The following WASL variants were observed in gnomAD, a reference collection of about 807,000 sequenced individuals.
WASL encodes WASP like actin nucleation promoting factor, also known as actin nucleation-promoting factor WASL.
Under a neutral mutation model 55.5 loss-of-function variants are expected in WASL, and 20 were observed. The observed-to-expected ratio is 0.36, with a 90% confidence interval of 0.25 to 0.52. The LOEUF (loss-of-function observed/expected upper bound fraction) is 0.52. WASL is among the 20% of genes least tolerant of loss of function. WASL has a pLI of 0.92. For synonymous variants in WASL, 249 were observed against 217.6 expected, an observed-to-expected ratio of 1.14 and a Z score of -1.27; for missense variants, 504 against 622.5, an observed-to-expected ratio of 0.81 and a Z score of 2.03.
chr7:123,742,991 T>G (rs964088663), intron 1 of WASL, among the ~76,000 whole-genome samples: 4 of 152,144 alleles, frequency 2.6e-5, no homozygotes. Context: ...GGAAAGACTG[T>G]GGAGTTATCT....
chr7:123,725,405 G>A (rs951722921), intron 1 of WASL, among the ~76,000 whole-genome samples: 1 of 151,864 alleles, frequency 6.6e-6, no homozygotes, highest in East Asian at 1.9e-4. Flanking sequence ...TTTGAAAACT[G>A]TAAAGCTATG....
intron 6 of WASL, 87 bp downstream of exon 6, chr7:123,696,487 AAAGAG>A (rs781469564): frequency 3.5e-4 from 466 of 1,325,974 alleles, no homozygotes; most frequent in Non-Finnish European, 4.3e-4. Flanking sequence ...ACCCTCCCGA[AAAGAG>A]AAGAAAATTT....
At chr7:123,708,400 C>G (rs1051887313) in intron 2 of WASL, among the ~76,000 whole-genome samples, 1 of 152,132 alleles carries the variant, frequency 6.6e-6, no homozygotes, top group South Asian at 2.1e-4. Context: ...TAATTAAAAT[C>G]TCATTGCACT....
intron 1 of WASL, among the ~76,000 whole-genome samples, chr7:123,724,015 T>C (rs1584868998): frequency 1.3e-5 from 2 of 152,348 alleles, no homozygotes; most frequent in Middle Eastern, 3.4e-3. Flanking sequence ...TACAAGTATA[T>C]AAGCGAGATC....
intron 1 of WASL, among the ~76,000 whole-genome samples, chr7:123,712,335 T>C (rs755533278): frequency 3.2e-4 from 49 of 152,192 alleles, no homozygotes; most frequent in African/African-American, 9.9e-4. Context: ...ACTCCACCTA[T>C]ACTTTGTCCC....
At chr7:123,744,740 C>T (rs368718201) in intron 1 of WASL, among the ~76,000 whole-genome samples, 60 of 152,216 alleles carry the variant, frequency 3.9e-4, no homozygotes, top group African/African-American at 1.3e-3. Flanking sequence ...ATATGTTGAA[C>T]TTCACTTAGC....
intron 1 of WASL, among the ~76,000 whole-genome samples, chr7:123,732,330 G>GAAAAATA (rs960813210): frequency 6.6e-6 from 1 of 151,320 alleles, no homozygotes; most frequent in African/African-American, 2.4e-5. Context: ...ACTCTGTCTC[G>GAAAAATA]AAAAATAAAA....
intron 5 of WASL, among the ~76,000 whole-genome samples, chr7:123,703,247 A>G (rs755051295): frequency 2.6e-5 from 4 of 152,140 alleles, no homozygotes; most frequent in African/African-American, 4.8e-5. Context: ...CTAGGGTCAA[A>G]TCATCTGATG....
chr7:123,686,443 G>A (rs537012459), intron 10 of WASL, among the ~76,000 whole-genome samples: 1 of 152,048 alleles, frequency 6.6e-6, no homozygotes, highest in Non-Finnish European at 1.5e-5. Context: ...TATCTATGGT[G>A]AAGAGGAAGA....
intron 1 of WASL, among the ~76,000 whole-genome samples, chr7:123,711,676 G>C (rs983350254): frequency 6.6e-6 from 1 of 152,114 alleles, no homozygotes; most frequent in Non-Finnish European, 1.5e-5. Context: ...CCACACTCTA[G>C]ATTGACAGTG....
intron 1 of WASL, among the ~76,000 whole-genome samples, chr7:123,713,058 G>T (rs1297676692): frequency 6.6e-6 from 1 of 152,000 alleles, no homozygotes; most frequent in Non-Finnish European, 1.5e-5. Flanking sequence ...ATACTAAAAT[G>T]ATTTAATACT....
intron 10 of WASL, among the ~76,000 whole-genome samples, chr7:123,687,122 G>T (rs1803305339): frequency 6.6e-6 from 1 of 151,986 alleles, no homozygotes; most frequent in African/African-American, 2.4e-5. Flanking sequence ...GAGTCATTTT[G>T]CACTCTTCTT....
intron 3 of WASL, 148 bp from the exon 4 acceptor site, chr7:123,706,521 C>A: frequency 1.1e-6 from 1 of 882,322 alleles, no homozygotes; most frequent in South Asian, 1.8e-5. Flanking sequence ...ATCTGAATAA[C>A]TTAACACAAA....
chr7:123,733,009 G>A (rs1011740001), intron 1 of WASL, among the ~76,000 whole-genome samples: 6 of 152,040 alleles, frequency 3.9e-5, no homozygotes, highest in Admixed American at 2.0e-4. Flanking sequence ...AGCAGGGAAC[G>A]TCCTCAACTT....
At chr7:123,713,043 A>G (rs930400097) in intron 1 of WASL, among the ~76,000 whole-genome samples, 4 of 152,216 alleles carry the variant, frequency 2.6e-5, no homozygotes, top group Admixed American at 2.0e-4. Context: ...AACTGCCTAC[A>G]ACAAATACTA....
At chr7:123,719,922 G>T (rs976373277) in intron 1 of WASL, among the ~76,000 whole-genome samples, 1 of 152,096 alleles carries the variant, frequency 6.6e-6, no homozygotes, top group South Asian at 2.1e-4. Flanking sequence ...TGTGACAAAG[G>T]CCTATCCATT....
chr7:123,704,338 A>C (rs889821556), intron 5 of WASL, among the ~76,000 whole-genome samples: 2 of 152,208 alleles, frequency 1.3e-5, no homozygotes, highest in African/African-American at 4.8e-5. Context: ...TCCAGAATTA[A>C]AATATAATAA....
At chr7:123,737,279 C>A (rs1363504702) in intron 1 of WASL, among the ~76,000 whole-genome samples, 1 of 152,136 alleles carries the variant, frequency 6.6e-6, no homozygotes, top group African/African-American at 2.4e-5. Context: ...GGTCTACGTA[C>A]TCCTTGTAAT....
chr7:123,686,647 T>C (rs1222584907), intron 10 of WASL, among the ~76,000 whole-genome samples: 1 of 152,162 alleles, frequency 6.6e-6, no homozygotes, highest in Non-Finnish European at 1.5e-5. Context: ...AAATGCTTTT[T>C]CAGAATCATG....
Sources: gnomAD v4.1 joint callset for allele counts (sites outside exome capture counted in the v4.1 genomes callset) on GRCh38, gnomAD v4.1.1 for gene constraint, MANE v1.5 for transcripts, NCBI Gene and HGNC (gene_info 2026-07-23, HGNC 2026-07-21) for gene names.